Variants in USP32 observed in about 807,000 individuals in gnomAD.
USP32 encodes the protein ubiquitin specific peptidase 32.
USP32 carries 59 observed loss-of-function variants against 204.8 expected under a neutral mutation model. The observed-to-expected ratio is 0.29, with a 90% CI of 0.23 to 0.36. USP32 has a LOEUF of 0.36. USP32 is among the 10% of genes least tolerant of loss of function. USP32 has a pLI of 1.00. For missense variants in USP32, 1,160 were observed against 1,946.4 expected (o/e 0.60, Z 7.60); for synonymous variants, 517 against 678.4 (o/e 0.76, Z 3.70).
intron 2 of USP32, among the ~76,000 whole-genome samples, chr17:60,311,039 G>A (rs1357826580): frequency 1.3e-5 from 2 of 152,156 alleles, no homozygotes; most frequent in African/African-American, 4.8e-5. Flanking sequence ...GTTGATTAAT[G>A]GGCCCAAATA....
intron 2 of USP32, among the ~76,000 whole-genome samples, chr17:60,326,806 A>T (rs2088250974): frequency 6.6e-6 from 1 of 152,186 alleles, no homozygotes; most frequent in Non-Finnish European, 1.5e-5. Context: ...AGTTATTTCC[A>T]CAAGATGTTC....
rs576004829 is a variant in USP32 at position 60,292,882 on chromosome 17, T to C, written c.411+1801A>G. On this transcript the variant is annotated intron_variant, in intron 4 of 33. Coordinates refer to ENST00000300896, the MANE Select transcript of USP32 (RefSeq NM_032582.4). ...AAGTCAAAGGACTCACGCTGTCCTA[T>C]AGGACAATATATAATCATTTCCTAC... Among the ~76,000 whole-genome samples, 3 of 152,254 alleles carry C rather than the reference T, an allele frequency of 2.0e-5. No homozygotes were observed. The South Asian group carries it at 6.2e-4, about 32-fold the overall frequency.
intron 1 of USP32, among the ~76,000 whole-genome samples, chr17:60,362,709 GT>G (rs2089233986): frequency 6.6e-6 from 1 of 152,016 alleles, no homozygotes; most frequent in Non-Finnish European, 1.5e-5. Context: ...GCTTCCAGCA[GT>G]TTCTCGAATC....
chr17:60,347,993 G>A (rs2088831429), intron 1 of USP32, among the ~76,000 whole-genome samples: 1 of 151,872 alleles, frequency 6.6e-6, no homozygotes, highest in African/African-American at 2.4e-5. Context: ...CTGGTGGCGG[G>A]CACCTGTAGT....
At chr17:60,231,840 G>A (rs571753943) in intron 12 of USP32, among the ~76,000 whole-genome samples, 1 of 152,280 alleles carries the variant, frequency 6.6e-6, no homozygotes, top group South Asian at 2.1e-4. Context: ...ACACATAGAA[G>A]AATAAAGCTT....
intron 1 of USP32, among the ~76,000 whole-genome samples, chr17:60,372,551 A>G (rs940825302): frequency 1.3e-5 from 2 of 151,766 alleles, no homozygotes; most frequent in African/African-American, 2.4e-5. Flanking sequence ...GATAAAAAAA[A>G]AAAAAAGTCC....
intron 1 of USP32, chr17:60,421,633 C>A: frequency 1.0e-6 from 1 of 969,000 alleles, no homozygotes; most frequent in Non-Finnish European, 1.2e-6. Context: ...CCGCCGTGTG[C>A]CGCCCAGGGA....
intron 1 of USP32, among the ~76,000 whole-genome samples, chr17:60,351,386 C>G (rs1020145843): frequency 6.6e-6 from 1 of 151,940 alleles, no homozygotes; most frequent in Non-Finnish European, 1.5e-5. Context: ...TAATTTGTAC[C>G]TTTAGCTGAT....
chr17:60,355,383 T>TAC (rs1389311229), intron 1 of USP32, among the ~76,000 whole-genome samples: 13 of 152,084 alleles, frequency 8.5e-5, no homozygotes, highest in Non-Finnish European at 2.9e-5. Context: ...TTTTAGGATA[T>TAC]AAAAATTTTC....
Position 60,392,076 on chromosome 17 carries a change from C to A in USP32, c.-137G>T, listed in dbSNP as rs1265692876. ...CCACCTCCCCCCACACTAACAAGTG[C>A]GGCTTCTGCCCCGGCGGCTCCTCCC... On this transcript the variant is annotated 5_prime_UTR_variant, in exon 1 of 34. Transcript: ENST00000300896. 2 of 965,280 alleles carry A rather than the reference C, an allele frequency of 2.1e-6. No individual in the cohort carries two copies. Among genetic ancestry groups the A allele is most frequent in the Non-Finnish European group, 3.0e-6 (2 of 677,856 alleles). 59.8% of individuals were successfully genotyped at this position (965,280 alleles called of 1,614,324 possible).
chr17:60,243,976 A>C (rs1331056601), intron 11 of USP32, among the ~76,000 whole-genome samples: 1 of 135,402 alleles, frequency 7.4e-6, no homozygotes, highest in East Asian at 2.1e-4. Context: ...TTTATCTTTT[A>C]TTCTTTTACT....
At chr17:60,349,611 AT>A (rs2088886496) in intron 1 of USP32, among the ~76,000 whole-genome samples, 1 of 71,058 alleles carries the variant, frequency 1.4e-5, no homozygotes, top group Non-Finnish European at 2.3e-5. Flanking sequence ...ATATATATAT[AT>A]ATATATATAT....
At chr17:60,362,258 A>G (rs2089224440) in intron 1 of USP32, among the ~76,000 whole-genome samples, 1 of 152,230 alleles carries the variant, frequency 6.6e-6, no homozygotes, top group Non-Finnish European at 1.5e-5. Context: ...TAACAAGCAT[A>G]AAAATGTGAA....
At chr17:60,381,507 C>A (rs1250359822) in intron 1 of USP32, among the ~76,000 whole-genome samples, 2 of 151,404 alleles carry the variant, frequency 1.3e-5, no homozygotes, top group Non-Finnish European at 2.9e-5. Flanking sequence ...CCAATTCATT[C>A]TTTGTATTTC....
rs1356308817 is a variant in USP32 at position 60,177,458 on chromosome 17, A to C, written c.*1797T>G. On this transcript the variant is annotated 3_prime_UTR_variant, in exon 34 of 34. Coordinates refer to ENST00000300896, the MANE Select transcript of USP32 (RefSeq NM_032582.4). Reference sequence around the variant, plus strand: ...ATGTAGTTAATAGTTAATTTAATAAATTTTCTGCTAGTTCATGAATTAAAA... The same window carrying C: ...ATGTAGTTAATAGTTAATTTAATAACTTTTCTGCTAGTTCATGAATTAAAA... Among the ~76,000 whole-genome samples the C allele has an allele frequency of 6.6e-6, 1 of 152,240 alleles. No homozygotes were observed. The highest frequency in any genetic ancestry group is 1.5e-5 in the Non-Finnish European group (1 of 68,048).
chr17:60,286,412 T>C (rs971272130), intron 5 of USP32, among the ~76,000 whole-genome samples: 1 of 152,146 alleles, frequency 6.6e-6, no homozygotes, highest in Non-Finnish European at 1.5e-5. Context: ...GAGAAGGCCA[T>C]GTGAAGACAG....
chr17:60,349,170 CTAATA>C (rs760923620), intron 1 of USP32, among the ~76,000 whole-genome samples: 323 of 150,216 alleles, frequency 2.2e-3, no homozygotes, highest in Non-Finnish European at 3.2e-3. Flanking sequence ...TATAATTAAT[CTAATA>C]TATTAATTAT....
intron 1 of USP32, among the ~76,000 whole-genome samples, chr17:60,365,807 T>G (rs527783943): frequency 5.5e-4 from 84 of 152,226 alleles, no homozygotes; most frequent in African/African-American, 1.8e-3. Flanking sequence ...CCAGAACAAA[T>G]ATATAAGAGA....
At chr17:60,329,057 C>T (rs7221837) in intron 2 of USP32, among the ~76,000 whole-genome samples, 2 of 152,032 alleles carry the variant, frequency 1.3e-5, no homozygotes, top group Admixed American at 6.6e-5. Flanking sequence ...ACCAGCCACA[C>T]GTTTCTGGCC....
Sources: allele counts gnomAD v4.1 joint callset (sites outside exome capture counted in the v4.1 genomes callset), GRCh38; gene constraint gnomAD v4.1.1; transcripts MANE v1.5; gene names NCBI Gene and HGNC (gene_info 2026-07-23, HGNC 2026-07-21).